MNAT1: variants seen among roughly 807,000 people sequenced by gnomAD.
MNAT1 encodes MNAT1 component of CDK activating kinase.
In MNAT1, 43 loss-of-function variants were observed where a neutral mutation model predicts 42.0. That is an observed-to-expected ratio of 1.02 (90% CI 0.80 to 1.32). MNAT1 has a LOEUF of 1.32. Among genes scored for constraint, MNAT1 ranks in the 40% most tolerant of loss-of-function variants. MNAT1 has a pLI of 0.00. For synonymous variants in MNAT1, 118 were observed against 120.0 expected (o/e 0.98, Z 0.11); for missense variants, 306 against 350.4 (o/e 0.87, Z 1.01).
intron 5 of MNAT1, among the ~76,000 whole-genome samples, chr14:60,815,461 C>T (rs1478957635): frequency 6.6e-6 from 1 of 152,164 alleles, no homozygotes; most frequent in Non-Finnish European, 1.5e-5. Context: ...GTGATCCACC[C>T]GCCTTGGCCT....
intron 1 of MNAT1, among the ~76,000 whole-genome samples, chr14:60,775,488 T>TA (rs897636363): frequency 1.3e-5 from 2 of 152,112 alleles, no homozygotes; most frequent in Non-Finnish European, 2.9e-5. Context: ...AGAGTCAATT[T>TA]AAAAAAATGG....
At chr14:60,788,438 T>C (rs983813620) in intron 1 of MNAT1, among the ~76,000 whole-genome samples, 3 of 152,176 alleles carry the variant, frequency 2.0e-5, no homozygotes. Flanking sequence ...CAAATGAACA[T>C]TGGTTTCAAT....
At chr14:60,859,778 G>A (rs1038891473) in intron 6 of MNAT1, among the ~76,000 whole-genome samples, 1 of 152,104 alleles carries the variant, frequency 6.6e-6, no homozygotes, top group Non-Finnish European at 1.5e-5. Flanking sequence ...TGTGTTATAT[G>A]TAGGTTGGTG....
chr14:60,946,275 A>G (rs375180032), intron 7 of MNAT1, among the ~76,000 whole-genome samples: 1 of 152,308 alleles, frequency 6.6e-6, no homozygotes, highest in South Asian at 2.1e-4. Context: ...TCCATATTCA[A>G]TGAAAAACCT....
intron 7 of MNAT1, among the ~76,000 whole-genome samples, chr14:60,922,627 C>G (rs2035685902): frequency 6.6e-6 from 1 of 151,600 alleles, no homozygotes; most frequent in Non-Finnish European, 1.5e-5. Flanking sequence ...TTTGATGTTT[C>G]TGAAATAAAT....
chr14:60,827,421 A>G (rs548105103), intron 6 of MNAT1, among the ~76,000 whole-genome samples: 1 of 152,322 alleles, frequency 6.6e-6, no homozygotes, highest in African/African-American at 2.4e-5. Flanking sequence ...CAAGCATTGC[A>G]TATTCCTCTG....
chr14:60,834,800 T>C (rs987598117), intron 6 of MNAT1, among the ~76,000 whole-genome samples: 27 of 152,328 alleles, frequency 1.8e-4, no homozygotes, highest in African/African-American at 6.5e-4. Context: ...TGTGGGAGTC[T>C]AAGTCTCTTT....
intron 6 of MNAT1, among the ~76,000 whole-genome samples, chr14:60,872,283 T>C (rs955662762): frequency 3.3e-4 from 50 of 152,178 alleles, no homozygotes; most frequent in Non-Finnish European, 5.4e-4. Context: ...AAGCCATTCA[T>C]GAAGGCTCCA....
At chr14:60,890,159 T>G (rs2034800401) in intron 7 of MNAT1, among the ~76,000 whole-genome samples, 1 of 152,212 alleles carries the variant, frequency 6.6e-6, no homozygotes, top group Admixed American at 6.5e-5. Flanking sequence ...CACATATGTT[T>G]ATTGCGGCAC....
intron 1 of MNAT1, among the ~76,000 whole-genome samples, chr14:60,791,644 T>C (rs941742874): frequency 1.3e-5 from 2 of 152,176 alleles, no homozygotes; most frequent in Non-Finnish European, 2.9e-5. Flanking sequence ...ATGATTATCG[T>C]AGACAAAGTT....
chr14:60,762,881 A>G (rs1274870024), intron 1 of MNAT1, among the ~76,000 whole-genome samples: 2 of 152,146 alleles, frequency 1.3e-5, no homozygotes, highest in African/African-American at 4.8e-5. Flanking sequence ...AAATTTATAT[A>G]AACAAAATAA....
intron 1 of MNAT1, chr14:60,780,406 A>G (rs1801614): frequency 5.9e-5 from 93 of 1,567,996 alleles, no homozygotes; most frequent in Non-Finnish European, 7.0e-5. Flanking sequence ...CATTTCTGCC[A>G]CTGTTGGAAG....
intron 6 of MNAT1, among the ~76,000 whole-genome samples, chr14:60,836,300 TGGA>T (rs1166971502): frequency 1.3e-5 from 2 of 152,180 alleles, no homozygotes; most frequent in Non-Finnish European, 2.9e-5. Context: ...TGTGATCCTT[TGGA>T]GGAGAAGAGG....
At chr14:60,879,959 A>G in intron 7 of MNAT1, 124 bp downstream of exon 7, 2 of 1,088,680 alleles carry the variant, frequency 1.8e-6, no homozygotes, top group African/African-American at 1.6e-5. Flanking sequence ...TGAAAAATGA[A>G]CAGTACTCAA....
At chr14:60,923,825 A>G (rs1220475298) in intron 7 of MNAT1, among the ~76,000 whole-genome samples, 1 of 152,208 alleles carries the variant, frequency 6.6e-6, no homozygotes, top group East Asian at 1.9e-4. Context: ...CAAAAAATAA[A>G]AAAAATTAGC....
intron 7 of MNAT1, among the ~76,000 whole-genome samples, chr14:60,924,353 T>C (rs1243230735): frequency 1.4e-5 from 2 of 146,724 alleles, no homozygotes; most frequent in Non-Finnish European, 1.5e-5. Context: ...TGTGCTAGTA[T>C]TAAAGAGCTT....
At chr14:60,887,522 T>C (rs1216011710) in intron 7 of MNAT1, among the ~76,000 whole-genome samples, 2 of 151,520 alleles carry the variant, frequency 1.3e-5, no homozygotes, top group East Asian at 3.9e-4. Context: ...CTGAGAATGA[T>C]GATTTCCAGT....
chr14:60,816,336 GA>G (rs1174672479), intron 5 of MNAT1, among the ~76,000 whole-genome samples: 8 of 151,770 alleles, frequency 5.3e-5, no homozygotes, highest in African/African-American at 1.7e-4. Context: ...AAAAAGTTTG[GA>G]AAAAGATTTT....
At chr14:60,849,994 A>G (rs1034493657) in intron 6 of MNAT1, among the ~76,000 whole-genome samples, 3 of 152,028 alleles carry the variant, frequency 2.0e-5, no homozygotes, top group Admixed American at 6.6e-5. Context: ...CTGGCACCAC[A>G]CCAGGCTAGT....
Sources: gnomAD v4.1 joint callset for allele counts (sites outside exome capture counted in the v4.1 genomes callset) on GRCh38, gnomAD v4.1.1 for gene constraint, MANE v1.5 for transcripts, NCBI Gene and HGNC (gene_info 2026-07-23, HGNC 2026-07-21) for gene names.